The following PDE1C variants were observed in gnomAD, a reference collection of about 807,000 sequenced individuals.
The protein encoded by PDE1C is dual specificity calcium/calmodulin-dependent 3',5'-cyclic nucleotide phosphodiesterase 1C.
PDE1C carries 62 observed loss-of-function variants against 93.1 expected under a neutral mutation model. The observed-to-expected ratio is 0.67, with a 90% CI of 0.54 to 0.82. The LOEUF is 0.82. PDE1C is among the 40% of genes least tolerant of loss of function. The pLI, the probability that PDE1C is intolerant of heterozygous loss-of-function variation, is 0.00. For missense variants in PDE1C, 742 were observed against 884.6 expected (o/e 0.84, Z 2.04); for synonymous variants, 325 against 310.1 (o/e 1.05, Z -0.50).
chr7:32,392,579 CA>C (rs1460162815), intron 1 of PDE1C, among the ~76,000 whole-genome samples: 1 of 152,022 alleles, frequency 6.6e-6, no homozygotes, highest in African/African-American at 2.4e-5. Flanking sequence ...CATATAAAAA[CA>C]ATTATGCCTT....
rs182784604 is a variant in PDE1C, at chr7:32,154,158, C to T, written c.308+15627G>A. ...CCTGTGGTCCCAGCTAACTGGGAGG[C>T]TGAGGTAGGAGGATCACCTGAGCCT... On this transcript the variant is annotated intron_variant, in intron 3 of 18. Coordinates refer to the PDE1C transcript ENST00000396193. 4.5e-4 allele frequency among the ~76,000 whole-genome samples: 68 copies of T among 152,222 alleles called. No individual in the cohort carries two copies. In the East Asian group the frequency reaches 9.8e-3, roughly 22 times the overall value.
chr7:32,338,387 C>A (rs215665), intron 1 of PDE1C, among the ~76,000 whole-genome samples: 145,193 of 152,292 alleles, frequency 0.95, 69,403 homozygotes, highest in East Asian at 1. Flanking sequence ...TAACACAAAT[C>A]ATTAGGAATA....
At chr7:31,941,257 C>T (rs1487774345) in intron 2 of PDE1C, 1 of 155,588 alleles carries the variant, frequency 6.4e-6, no homozygotes, top group Non-Finnish European at 1.5e-5. Flanking sequence ...AGAGGGAAGC[C>T]CCTGACTGGA....
At chr7:31,700,392 T>A in the PDE1C span, among the ~76,000 whole-genome samples, 1 of 152,086 alleles carries the variant, frequency 6.6e-6, no homozygotes, top group Non-Finnish European at 1.5e-5. Context: ...ATATGAAGGT[T>A]GAGAGAGGGG....
chr7:32,200,051 A>T (rs1200768857), intron 2 of PDE1C, among the ~76,000 whole-genome samples: 1 of 152,208 alleles, frequency 6.6e-6, no homozygotes, highest in Non-Finnish European at 1.5e-5. Flanking sequence ...CGCATACACA[A>T]ATATTCCAAA....
At chr7:32,028,288 A>G (rs1323095776) in intron 2 of PDE1C, among the ~76,000 whole-genome samples, 5 of 152,140 alleles carry the variant, frequency 3.3e-5, no homozygotes, top group African/African-American at 9.7e-5. Flanking sequence ...CTTCCAGTGT[A>G]AATCTAACAG....
chr7:31,683,920 A>G, the PDE1C span, among the ~76,000 whole-genome samples: 10 of 152,248 alleles, frequency 6.6e-5, no homozygotes, highest in Non-Finnish European at 1.5e-4. Flanking sequence ...TCAGGAATGA[A>G]GGCACAAGTG....
At chr7:32,422,332 T>A (rs1785448853) in intron 1 of PDE1C, among the ~76,000 whole-genome samples, 1 of 152,206 alleles carries the variant, frequency 6.6e-6, no homozygotes, top group Non-Finnish European at 1.5e-5. Flanking sequence ...CATTTGTTTA[T>A]AATTTCAACT....
chr7:31,623,386 C>T, the PDE1C span, among the ~76,000 whole-genome samples: 1 of 151,530 alleles, frequency 6.6e-6, no homozygotes, highest in African/African-American at 2.4e-5. Flanking sequence ...TCCAGCAGCA[C>T]ATCAAAAAGC....
rs569839831 is a variant in PDE1C, at chr7:31,855,898, A to AATC, written c.751-5160_751-5158dup. On this transcript the variant is annotated intron_variant, in intron 7 of 17. Coordinates refer to ENST00000396191, the MANE Select transcript of PDE1C (RefSeq NM_001191057.4). Reference sequence around the variant, plus strand: ...TTGGAGTTTGAAATCTTTTCACCTAAATCAAAAGTACACTAGAGCTTAGAA... The same window carrying AATC: ...TTGGAGTTTGAAATCTTTTCACCTAAATCATCAAAAGTACACTAGAGCTTAGAA... 1.4e-3 allele frequency among the ~76,000 whole-genome samples: 209 copies of AATC among 151,756 alleles called. 1 individual carries two copies. The highest frequency in any genetic ancestry group is 6.8e-3 in the Middle Eastern group (2 of 294).
At chr7:32,101,549 T>C (rs1798037050) in intron 3 of PDE1C, among the ~76,000 whole-genome samples, 2 of 152,092 alleles carry the variant, frequency 1.3e-5, no homozygotes, top group South Asian at 4.2e-4. Flanking sequence ...TGAAAGCTGG[T>C]TGTATAAAAG....
At chr7:31,877,013 C>T (rs1033031322) in intron 5 of PDE1C, among the ~76,000 whole-genome samples, 2 of 152,204 alleles carry the variant, frequency 1.3e-5, no homozygotes, top group Non-Finnish European at 2.9e-5. Context: ...CACCCCCTAA[C>T]TCCATGAATA....
Position 32,236,424 on chromosome 7 carries a change from T to C in PDE1C, c.86-26885A>G, listed in dbSNP as rs567987350. ...TGACATATATGACAAAATACTTGTA[T>C]TCAGAATACATAAAAAATTCTCAAA... On this transcript the variant is annotated intron_variant, in intron 1 of 18. Coordinates refer to the PDE1C transcript ENST00000396193. Among the ~76,000 whole-genome samples the C allele has an allele frequency of 9.9e-5, 15 of 152,278 alleles. No individual in the cohort carries two copies. In the South Asian group the frequency reaches 3.1e-3, roughly 32 times the overall value.
At chr7:31,987,286 T>C (rs1783535661) in intron 2 of PDE1C, among the ~76,000 whole-genome samples, 1 of 152,166 alleles carries the variant, frequency 6.6e-6, no homozygotes. Flanking sequence ...AATTAAGAAA[T>C]GTAAACAGAG....
chr7:32,287,475 A>C (rs1257178931), intron 1 of PDE1C, among the ~76,000 whole-genome samples: 1 of 152,362 alleles, frequency 6.6e-6, no homozygotes, highest in African/African-American at 2.4e-5. Flanking sequence ...TGGCCTTGCC[A>C]TCAGAGGACT....
chr7:32,193,916 G>GTTTTTTT (rs1554283858), intron 2 of PDE1C, among the ~76,000 whole-genome samples: 7 of 115,252 alleles, frequency 6.1e-5, no homozygotes, highest in Non-Finnish European at 1.2e-4. Flanking sequence ...GTTTTGTTTT[G>GTTTTTTT]TTTTTTTTTT....
At chr7:31,776,725 G>C (rs1783003703) in intron 16 of PDE1C, among the ~76,000 whole-genome samples, 1 of 151,926 alleles carries the variant, frequency 6.6e-6, no homozygotes. Flanking sequence ...ATCCAGAGTG[G>C]GAAGGAAGAG....
At chr7:32,006,949 A>G (rs1381883823) in intron 2 of PDE1C, among the ~76,000 whole-genome samples, 1 of 152,184 alleles carries the variant, frequency 6.6e-6, no homozygotes, top group African/African-American at 2.4e-5. Flanking sequence ...TGGCATATCA[A>G]TACTTCAGTG....
chr7:32,341,173 C>CTATTTTTTATTTTTTTTTTTTTTTTTT (rs796122014), intron 1 of PDE1C, among the ~76,000 whole-genome samples: 1 of 84,952 alleles, frequency 1.2e-5, no homozygotes, highest in African/African-American at 4.3e-5. Flanking sequence ...GAAATAAAGT[C>CTATTTTTTATTTTTTTTTTTTTTTTTT]TTTTTTTTTT....
Sources: gnomAD v4.1 joint callset for allele counts (sites outside exome capture counted in the v4.1 genomes callset) on GRCh38, gnomAD v4.1.1 for gene constraint, MANE v1.5 for transcripts, NCBI Gene and HGNC (gene_info 2026-07-23, HGNC 2026-07-21) for gene names.